The following MICAL2 variants were observed in gnomAD, a reference collection of about 807,000 sequenced individuals.
MICAL2 encodes the protein microtubule associated monooxygenase, calponin and LIM domain containing 2, also known as [F-actin]-monooxygenase MICAL2.
MICAL2 carries 77 observed loss-of-function variants against 127.3 expected under a neutral mutation model. The ratio of observed to expected loss-of-function variants is 0.60; its 90% CI spans 0.50 to 0.73. The LOEUF (loss-of-function observed/expected upper bound fraction) is 0.73. Among genes scored for constraint, MICAL2 ranks in the 30% least tolerant of loss-of-function variants. MICAL2 has a pLI of 0.00. For missense variants in MICAL2, 1,351 were observed against 1,434.4 expected, an observed-to-expected ratio of 0.94 and a Z score of 0.94; for synonymous variants, 570 against 551.1, an observed-to-expected ratio of 1.03 and a Z score of -0.48.
chr11:12,346,381 C>G (rs1938954434), intron 32 of MICAL2, among the ~76,000 whole-genome samples: 1 of 152,190 alleles, frequency 6.6e-6, no homozygotes, highest in African/African-American at 2.4e-5. Flanking sequence ...GAAACTGAGG[C>G]TTAGGAAGTC....
downstream of MICAL2, chr11:12,294,039 A>G (rs755440755): frequency 1.2e-6 from 2 of 1,614,140 alleles, no homozygotes; most frequent in Non-Finnish European, 1.7e-6. Flanking sequence ...GAGAGTGTGC[A>G]CCTCAAAGCT....
At chr11:12,159,504 C>T (rs1031211985) in intron 2 of MICAL2, among the ~76,000 whole-genome samples, 2 of 152,174 alleles carry the variant, frequency 1.3e-5, no homozygotes, top group Non-Finnish European at 2.9e-5. Context: ...AGCTACCCTG[C>T]AAGGATGAGA....
At chr11:12,323,334 CTT>C (rs937797455) in intron 30 of MICAL2, among the ~76,000 whole-genome samples, 7 of 152,196 alleles carry the variant, frequency 4.6e-5, no homozygotes, top group African/African-American at 1.7e-4. Context: ...CCAAAAAACA[CTT>C]TCATTGGAAT....
At position 12,220,438 on chromosome 11, in the gene MICAL2, G is replaced by A. The variant is rs1240032606; in HGVS notation, c.1186G>A (p.Val396Met). The change falls in exon 9 of 28, where the codon GTG (valine) becomes ATG (methionine). Residue 396 changes from valine to methionine, a missense_variant. This residue lies in a region of MICAL2 where 599 missense variants were observed against 714.9 expected (regional missense o/e 0.84). Coordinates refer to ENST00000683283, the MANE Select transcript of MICAL2 (RefSeq NM_001282663.2). ...RQAHQLLVALVGDSLLEPFWP... is the reference protein window; with the variant it reads ...RQAHQLLVALMGDSLLEPFWP... ...GGCGCACCAGCTGCTCGTGGCCCTT[G>A]TGGGTGACAGCTTGCTTGAGGTACT... 1.2e-6 allele frequency: 2 copies of A among 1,610,412 alleles called. No individual in the cohort carries two copies. Among genetic ancestry groups the A allele is most frequent in the Admixed American group, 1.7e-5 (1 of 60,030 alleles).
At chr11:12,134,931 C>T (rs1430321331) in intron 1 of MICAL2, among the ~76,000 whole-genome samples, 1 of 152,200 alleles carries the variant, frequency 6.6e-6, no homozygotes, top group Non-Finnish European at 1.5e-5. Flanking sequence ...AGCATGTGAC[C>T]TCCAGCATCT....
At chr11:12,142,639 G>A (rs1408519512) in intron 2 of MICAL2, among the ~76,000 whole-genome samples, 1 of 152,202 alleles carries the variant, frequency 6.6e-6, no homozygotes, top group African/African-American at 2.4e-5. Context: ...AACACTTCCT[G>A]CTGAGCTCAA....
At chr11:12,143,778 A>T (rs1010972306) in intron 2 of MICAL2, among the ~76,000 whole-genome samples, 1 of 152,226 alleles carries the variant, frequency 6.6e-6, no homozygotes, top group African/African-American at 2.4e-5. Flanking sequence ...TGGGTTGAGA[A>T]AGCTACTTAA....
At chr11:12,213,488 G>T (rs921557314) in intron 7 of MICAL2, 78 bp downstream of exon 7, 1 of 1,438,548 alleles carries the variant, frequency 7.0e-7, no homozygotes, top group Non-Finnish European at 9.4e-7. Context: ...GCGTGTGCTG[G>T]CTTTCTGGGC....
intron 15 of MICAL2, among the ~76,000 whole-genome samples, chr11:12,227,623 C>CTGA (rs775315483): frequency 6.6e-6 from 1 of 152,096 alleles, no homozygotes; most frequent in Non-Finnish European, 1.5e-5. Flanking sequence ...TTTTTTGTTT[C>CTGA]TGATGAGGGG....
At position 12,235,280 on chromosome 11, in the gene MICAL2, C is replaced by T. The variant is rs144949801; in HGVS notation, c.1996-897C>T. On this transcript the variant is annotated intron_variant, in intron 15 of 27. Coordinates refer to ENST00000683283, the MANE Select transcript of MICAL2 (RefSeq NM_001282663.2). ...TCTGCTCATTCCCTGAGGAGACAAG[C>T]CTGACAGCCGAGTGCCCTTTGGGAG... Among the ~76,000 whole-genome samples the T allele has an allele frequency of 3.6e-3, 545 of 152,314 alleles. 10 individuals are homozygous for T. The East Asian group carries it at 0.043, about 12-fold the overall frequency.
chr11:12,178,556 G>A (rs1317288687), intron 3 of MICAL2, among the ~76,000 whole-genome samples: 1 of 152,074 alleles, frequency 6.6e-6, no homozygotes, highest in Non-Finnish European at 1.5e-5. Flanking sequence ...AGCTTTGCCT[G>A]AAGAGTTTAA....
intron 29 of MICAL2, among the ~76,000 whole-genome samples, chr11:12,310,596 T>C (rs1031890619): frequency 5.3e-5 from 8 of 152,210 alleles, no homozygotes; most frequent in African/African-American, 1.7e-4. Context: ...TAATTTGAAA[T>C]CAAGGAATAT....
chr11:12,273,739 T>C (rs1474240251), upstream of MICAL2, among the ~76,000 whole-genome samples: 1 of 152,042 alleles, frequency 6.6e-6, no homozygotes, highest in Non-Finnish European at 1.5e-5. Flanking sequence ...AAGGGTTGGC[T>C]GGAATACTGG....
At chr11:12,297,491 T>G (rs1287803166) in intron 29 of MICAL2, among the ~76,000 whole-genome samples, 1 of 152,106 alleles carries the variant, frequency 6.6e-6, no homozygotes, top group Non-Finnish European at 1.5e-5. Flanking sequence ...TTGACTTTAT[T>G]TACAGTGGCT....
At chr11:12,198,679 G>A (rs996481841) in intron 3 of MICAL2, among the ~76,000 whole-genome samples, 1 of 152,192 alleles carries the variant, frequency 6.6e-6, no homozygotes, top group African/African-American at 2.4e-5. Context: ...AGTGTGCTGG[G>A]AGGACTGCGG....
At chr11:12,335,563 C>T (rs1453553593) in intron 32 of MICAL2, among the ~76,000 whole-genome samples, 1 of 152,048 alleles carries the variant, frequency 6.6e-6, no homozygotes, top group Non-Finnish European at 1.5e-5. Flanking sequence ...CCTAGGTTTT[C>T]TTCTAGGGTT....
At chr11:12,352,515 T>C (rs141493356) in intron 33 of MICAL2, among the ~76,000 whole-genome samples, 145 of 152,316 alleles carry the variant, frequency 9.5e-4, no homozygotes, top group African/African-American at 3.2e-3. Context: ...AGGAAGGACT[T>C]TCCTCTCCAA....
intron 12 of MICAL2, among the ~76,000 whole-genome samples, chr11:12,224,147 G>A (rs1050712029): frequency 1.3e-5 from 2 of 152,128 alleles, no homozygotes; most frequent in African/African-American, 4.8e-5. Context: ...AACATAGCAG[G>A]TTTTTCTAGA....
intron 3 of MICAL2, among the ~76,000 whole-genome samples, chr11:12,197,189 T>C (rs755004927): frequency 6.6e-6 from 1 of 152,342 alleles, no homozygotes; most frequent in East Asian, 1.9e-4. Context: ...ATAACACTTA[T>C]GGAAACCTGG....
Sources: allele counts gnomAD v4.1 joint callset (sites outside exome capture counted in the v4.1 genomes callset), GRCh38; gene constraint gnomAD v4.1.1; regional missense constraint gnomAD v4.1.1; transcripts MANE v1.5; gene names NCBI Gene and HGNC (gene_info 2026-07-23, HGNC 2026-07-21).